Variants in PIEZO2 observed in about 807,000 individuals in gnomAD.
The protein encoded by PIEZO2 is piezo type mechanosensitive ion channel component 2, also known as piezo-type mechanosensitive ion channel component 2.
In PIEZO2, 172 loss-of-function variants were observed where a neutral mutation model predicts 337.3. The ratio of observed to expected loss-of-function variants is 0.51; its 90% CI spans 0.45 to 0.58. The LOEUF is 0.58. Among genes scored for constraint, PIEZO2 ranks in the 20% least tolerant of loss-of-function variants. PIEZO2 has a pLI of 0.00. For synonymous variants in PIEZO2, 1,251 were observed against 1,228.5 expected, an observed-to-expected ratio of 1.02 and a Z score of -0.38; for missense variants, 3,028 against 3,391.3, an observed-to-expected ratio of 0.89 and a Z score of 2.66.
rs2034857403 is a variant in PIEZO2 at position 10,691,795 on chromosome 18, A to ATATATATT, written c.7191-413_7191-412insAATATATA. ...CACACACACACACATATATATATATATATATAGAGAGAGAGAGAGAGGATC... is the reference window on the plus strand; with the variant it reads ...CACACACACACACATATATATATATATATATATTTATATAGAGAGAGAGAGAGAGGATC... On this transcript the variant is annotated intron_variant, in intron 47 of 55. Transcript: ENST00000674853. Among the ~76,000 whole-genome samples, 6 of 137,562 alleles carry ATATATATT rather than the reference A, an allele frequency of 4.4e-5. 1 individual carries two copies. Among genetic ancestry groups the ATATATATT allele is most frequent in the Non-Finnish European group, 6.2e-5 (4 of 64,916 alleles). 90.2% of individuals were successfully genotyped at this position (137,562 alleles called of 152,430 possible).
intron 1 of PIEZO2, among the ~76,000 whole-genome samples, chr18:11,068,400 G>A (rs897875132): frequency 9.9e-5 from 15 of 151,998 alleles, no homozygotes; most frequent in African/African-American, 2.4e-4. Context: ...GCAAATACAC[G>A]GAAATTAAAC....
intron 2 of PIEZO2, among the ~76,000 whole-genome samples, chr18:11,008,114 T>A (rs575422006): frequency 6.6e-6 from 1 of 152,174 alleles, no homozygotes; most frequent in African/African-American, 2.4e-5. Flanking sequence ...GGAATCCTTT[T>A]ACCAATTTTT....
Position 10,893,334 on chromosome 18 carries a change from T to C in PIEZO2, c.329+17852A>G, listed in dbSNP as rs1364113781. 2.6e-5 allele frequency among the ~76,000 whole-genome samples: 4 copies of C among 152,230 alleles called. No individual in the cohort carries two copies. In the East Asian group the frequency reaches 7.7e-4, roughly 29 times the overall value. On this transcript the variant is annotated intron_variant, in intron 4 of 55. Coordinates refer to ENST00000674853, the MANE Select transcript of PIEZO2 (RefSeq NM_001378183.1). Reference sequence around the variant, plus strand: ...TCTTATTTGCAAGATGCCAGCCTTCTGCTCCAGCCAGGTCAGATTCCTCAG... The same window carrying C: ...TCTTATTTGCAAGATGCCAGCCTTCCGCTCCAGCCAGGTCAGATTCCTCAG...
Position 10,716,655 on chromosome 18 carries a change from C to T in PIEZO2, c.5090-839G>A, listed in dbSNP as rs1338746284. On this transcript the variant is annotated intron_variant, in intron 37 of 55. Transcript: ENST00000674853. The surrounding 1 kb of genome is among the most constrained non-coding windows in gnomAD (Gnocchi z 4.1). ...CGAGCACCTATGTTTCCCTCTCCGCCCCTCCTCACATCCTTTATAAAATCT... is the reference window on the plus strand; with the variant it reads ...CGAGCACCTATGTTTCCCTCTCCGCTCCTCCTCACATCCTTTATAAAATCT... Among the ~76,000 whole-genome samples the T allele has an allele frequency of 6.6e-6, 1 of 152,150 alleles. No individual in the cohort carries two copies. The highest frequency in any genetic ancestry group is 1.5e-5 in the Non-Finnish European group (1 of 68,040).
At chr18:10,919,597 T>G (rs1444778768) in intron 3 of PIEZO2, among the ~76,000 whole-genome samples, 1 of 152,136 alleles carries the variant, frequency 6.6e-6, no homozygotes, top group Non-Finnish European at 1.5e-5. Flanking sequence ...TTCACAAACA[T>G]CCATGCTTCA....
At chr18:10,964,173 G>T (rs2033904944) in intron 3 of PIEZO2, among the ~76,000 whole-genome samples, 1 of 151,924 alleles carries the variant, frequency 6.6e-6, no homozygotes, top group East Asian at 1.9e-4. Flanking sequence ...TAATTAAAGT[G>T]ATTAATTAAT....
At chr18:10,820,896 T>A (rs2040502355) in intron 7 of PIEZO2, among the ~76,000 whole-genome samples, 1 of 152,214 alleles carries the variant, frequency 6.6e-6, no homozygotes, top group Non-Finnish European at 1.5e-5. Flanking sequence ...TTCTTCACTC[T>A]GGCCAAAGCT....
intron 1 of PIEZO2, among the ~76,000 whole-genome samples, chr18:11,093,379 A>G (rs535400732): frequency 2.6e-5 from 4 of 152,280 alleles, no homozygotes; most frequent in Admixed American, 1.3e-4. Flanking sequence ...AACAATAACA[A>G]TATAATTTTT....
intron 48 of PIEZO2, among the ~76,000 whole-genome samples, chr18:10,690,092 A>G (rs2143611700): frequency 6.9e-6 from 1 of 145,918 alleles, no homozygotes; most frequent in Admixed American, 6.8e-5. Context: ...CTTCTTTCAC[A>G]TTTATTTGTT....
rs773449118 is a variant in PIEZO2 at position 10,855,359 on chromosome 18, T to C, written c.911A>G (p.Tyr304Cys). The C allele has an allele frequency of 2.1e-5, 32 of 1,532,292 alleles. No homozygotes were observed. Among genetic ancestry groups the C allele is most frequent in the Non-Finnish European group, 2.7e-5 (31 of 1,142,400 alleles). The allele number at this position is 1,532,292 out of a possible 1,614,324, so 94.9% of individuals were successfully genotyped here. The change falls in exon 7 of 56, where the codon TAT becomes TGT. Residue 304 changes from tyrosine (Y) to cysteine (C), a missense_variant. Around this residue, in one of 5 missense-constraint regions of PIEZO2, gnomAD observed 542 missense variants for 605.6 expected, o/e 0.89. Coordinates refer to ENST00000674853, the MANE Select transcript of PIEZO2 (RefSeq NM_001378183.1). This position sits in a 1 kb window ranked among gnomAD's most constrained non-coding sequence, Gnocchi z 4.9. ...FQEAVPPNDYYARLFGIKSVI... is the reference protein window; with the variant it reads ...FQEAVPPNDYCARLFGIKSVI... ...CCATAAGGATTTCTCTTACCTTGCA[T>C]AGTAGTCATTGGGTGGAACTGCCTC...
At chr18:10,776,927 G>A (rs1334460566) in intron 18 of PIEZO2, among the ~76,000 whole-genome samples, 2 of 152,114 alleles carry the variant, frequency 1.3e-5, no homozygotes, top group Non-Finnish European at 2.9e-5. Context: ...TATAAGACTT[G>A]TAATTCTTTA....
rs1457150884 is a variant in PIEZO2, at chr18:11,016,193, T to C, written c.161-36533A>G. On this transcript the variant is annotated intron_variant, in intron 2 of 55. Coordinates refer to ENST00000674853, the MANE Select transcript of PIEZO2 (RefSeq NM_001378183.1). The surrounding 1 kb of genome is among the most constrained non-coding windows in gnomAD (Gnocchi z 5.6). ...GGTAAGAGGGAAGGAAATGAGCCCT[T>C]TGACATTCACTCTCTTTGAAACTGT... Among the ~76,000 whole-genome samples the C allele has an allele frequency of 6.6e-6, 1 of 152,144 alleles. No individual in the cohort carries two copies. The highest frequency in any genetic ancestry group is 2.4e-5 in the African/African-American group (1 of 41,412).
At chr18:11,025,719 G>A (rs901681356) in intron 2 of PIEZO2, among the ~76,000 whole-genome samples, 4 of 152,162 alleles carry the variant, frequency 2.6e-5, no homozygotes, top group African/African-American at 9.7e-5. Context: ...TAGGGGAAGA[G>A]GCCCCATCCT....
chr18:10,908,891 T>G (rs1568187954), intron 4 of PIEZO2: 1 of 152,264 alleles, frequency 6.6e-6, no homozygotes, highest in East Asian at 1.9e-4. Flanking sequence ...ACTGTCTGGG[T>G]AGCCTGTGCA....
chr18:10,764,424 G>A (rs946444124), intron 21 of PIEZO2, among the ~76,000 whole-genome samples: 1 of 151,954 alleles, frequency 6.6e-6, no homozygotes, highest in Admixed American at 6.6e-5. Flanking sequence ...GGTGGATCAC[G>A]AGGTCAGGAG....
At chr18:10,844,043 G>A (rs2041274076) in intron 7 of PIEZO2, among the ~76,000 whole-genome samples, 1 of 152,250 alleles carries the variant, frequency 6.6e-6, no homozygotes, top group African/African-American at 2.4e-5. Flanking sequence ...ATGTTATGAA[G>A]GTGATTATGC....
chr18:10,986,542 C>T (rs982986288), intron 2 of PIEZO2, among the ~76,000 whole-genome samples: 1 of 151,814 alleles, frequency 6.6e-6, no homozygotes, highest in Non-Finnish European at 1.5e-5. Context: ...ATAATGAAAA[C>T]TTTCAACATA....
intron 3 of PIEZO2, among the ~76,000 whole-genome samples, chr18:10,938,868 C>A (rs1319806995): frequency 1.3e-5 from 2 of 152,230 alleles, no homozygotes; most frequent in Admixed American, 6.5e-5. Context: ...AGGCAGATCA[C>A]AAGTTCAGGA....
Position 10,750,252 on chromosome 18 carries a change from G to T in PIEZO2, c.4168-65C>A. On this transcript the variant is annotated intron_variant, in intron 28 of 55. Transcript: ENST00000674853. This position sits in a 1 kb window ranked among gnomAD's most constrained non-coding sequence, Gnocchi z 4.1. The stretch of plus-strand genomic sequence containing the variant: ...GCCAGAAAAAAAAGTGGTGTTTTAT[G>T]ATCCCAACATGTGCAAGAATTCACA... The T allele has an allele frequency of 2.6e-6, 3 of 1,156,420 alleles. No homozygotes were observed. Among genetic ancestry groups the T allele is most frequent in the Non-Finnish European group, 2.5e-6 (2 of 800,798 alleles). 71.6% of individuals were successfully genotyped at this position (1,156,420 alleles called of 1,614,324 possible).
Sources: allele counts gnomAD v4.1 joint callset (sites outside exome capture counted in the v4.1 genomes callset), GRCh38; gene constraint gnomAD v4.1.1; regional missense constraint gnomAD v4.1.1; non-coding constraint Gnocchi (gnomAD v3.1); transcripts MANE v1.5; gene names NCBI Gene and HGNC (gene_info 2026-07-23, HGNC 2026-07-21).